The following FRY variants were observed in gnomAD, a reference collection of about 807,000 sequenced individuals.
FRY encodes protein furry homolog.
A neutral mutation model predicts 348.4 loss-of-function variants in FRY; 128 were observed. The observed-to-expected ratio is 0.37, with a 90% CI of 0.32 to 0.43. The LOEUF is 0.43. FRY is among the 20% of genes least tolerant of loss of function. The pLI is 1.00. For missense variants in FRY, 2,736 were observed against 3,695.2 expected (o/e 0.74, Z 6.73); for synonymous variants, 1,370 against 1,374.7 (o/e 1.00, Z 0.08).
intron 16 of FRY, among the ~76,000 whole-genome samples, chr13:32,160,235 T>C (rs964027986): frequency 1.3e-5 from 2 of 152,222 alleles, no homozygotes; most frequent in Non-Finnish European, 2.9e-5. Context: ...TTTTGCATTT[T>C]CATTATTGTG....
In FRY at chr13:32,258,894, G is replaced by C. The variant is rs139056822; in HGVS notation, c.7417-2722G>C. On this transcript the variant is annotated intron_variant, in intron 51 of 60. Transcript: ENST00000542859. ...GACTTACTCTAAGTAGAACATTTGG[G>C]GGAGTATATTTTGACCACAATGCAC... 2.5e-3 allele frequency among the ~76,000 whole-genome samples: 386 copies of C among 152,160 alleles called. 2 individuals are homozygous for C. The highest frequency in any genetic ancestry group is 8.9e-3 in the African/African-American group (370 of 41,476).
chr13:32,261,394 A>G, intron 51 of FRY: 1 of 732,816 alleles, frequency 1.4e-6, no homozygotes, highest in Non-Finnish European at 2.5e-6. Context: ...AAAGAAAAGT[A>G]TGTAATCATT....
Position 32,171,249 on chromosome 13 carries a change from C to T in FRY, c.2130C>T (p.Ala710=). 1 of 1,609,470 alleles carries T rather than the reference C, an allele frequency of 6.2e-7. No homozygotes were observed. The highest frequency in any genetic ancestry group is 8.5e-7 in the Non-Finnish European group (1 of 1,178,032). ...IQTQGKVYEQ[A]NKIRNSELIA... ...CACAAGGAAAAGTCTATGAACAAGCCAACAAAATCAGAAATTCAGAGGTGA... is the reference window on the plus strand; with the variant it reads ...CACAAGGAAAAGTCTATGAACAAGCTAACAAAATCAGAAATTCAGAGGTGA... Residue 710 remains alanine (A), a synonymous_variant, in exon 18 of 61, where the codon GCC becomes GCT. Coordinates refer to ENST00000542859, the MANE Select transcript of FRY (RefSeq NM_023037.3).
chr13:32,254,103 C>A (rs140892601), intron 50 of FRY, 121 bp from the exon 51 acceptor site: 2 of 890,358 alleles, frequency 2.2e-6, no homozygotes, highest in South Asian at 1.3e-5. Flanking sequence ...TCTAAAAATA[C>A]CCACTGAAGG....
chr13:32,171,607 C>T (rs894504594), intron 18 of FRY, among the ~76,000 whole-genome samples: 24 of 152,082 alleles, frequency 1.6e-4, no homozygotes, highest in Non-Finnish European at 8.8e-5. Flanking sequence ...CCACCATGCC[C>T]GGCTGAATTT....
chr13:32,294,658 A>G, intron 60 of FRY, 88 bp downstream of exon 60: 1 of 976,736 alleles, frequency 1.0e-6, no homozygotes. Context: ...CCCACTACGG[A>G]AGGCTAGATA....
intron 1 of FRY, among the ~76,000 whole-genome samples, chr13:32,068,741 A>T (rs1422325322): frequency 6.6e-6 from 1 of 152,212 alleles, no homozygotes; most frequent in Non-Finnish European, 1.5e-5. Flanking sequence ...ACATAGACTG[A>T]AGTAAGCAAA....
At chr13:32,267,574 A>C (rs1335092750) in intron 55 of FRY, among the ~76,000 whole-genome samples, 1 of 152,090 alleles carries the variant, frequency 6.6e-6, no homozygotes, top group Non-Finnish European at 1.5e-5. Flanking sequence ...GGCTGCCATG[A>C]AGTACCTTTC....
In FRY at chr13:32,296,704, C is replaced by T. The variant is rs545103321; in HGVS notation, c.*1244C>T. 2 of 152,266 alleles carry T rather than the reference C, an allele frequency of 1.3e-5. No individual in the cohort carries two copies. Among genetic ancestry groups the T allele is most frequent in the African/African-American group, 4.8e-5 (2 of 41,490 alleles). 9.4% of individuals were successfully genotyped at this position (152,266 alleles called of 1,614,324 possible). A position where few individuals can be genotyped will look rare whatever the true frequency, so the allele number is the denominator to read the frequency against. On this transcript the variant is annotated 3_prime_UTR_variant, in exon 61 of 61. Coordinates refer to ENST00000542859, the MANE Select transcript of FRY (RefSeq NM_023037.3). ...TGTCCTGGGCACACATGAAGTTTTG[C>T]ATGTGGGTTGCCAAAGTAATAACCC...
rs1197006695 is a variant in FRY at position 32,064,167 on chromosome 13, C to T, written c.71-14667C>T. Among the ~76,000 whole-genome samples, 3 of 152,078 alleles carry T rather than the reference C, an allele frequency of 2.0e-5. No homozygotes were observed. In the East Asian group the frequency reaches 5.8e-4, roughly 29 times the overall value. Reference sequence around the variant, plus strand: ...CAGTAAAGATGATACAAACTGTTAGCAGAGGGGAGTACCAAGGAGTGGCTG... The same window carrying T: ...CAGTAAAGATGATACAAACTGTTAGTAGAGGGGAGTACCAAGGAGTGGCTG... On this transcript the variant is annotated intron_variant, in intron 1 of 60. Coordinates refer to ENST00000542859, the MANE Select transcript of FRY (RefSeq NM_023037.3).
intron 58 of FRY, among the ~76,000 whole-genome samples, chr13:32,281,860 G>A (rs1271512706): frequency 6.6e-6 from 1 of 152,182 alleles, no homozygotes; most frequent in Non-Finnish European, 1.5e-5. Context: ...GTTTTAATTG[G>A]TTAGTAGATC....
At chr13:32,111,644 A>G (rs1877969069) in intron 3 of FRY, among the ~76,000 whole-genome samples, 1 of 152,204 alleles carries the variant, frequency 6.6e-6, no homozygotes, top group Admixed American at 6.5e-5. Flanking sequence ...GGATCATATG[A>G]GGGCTACATG....
intron 17 of FRY, among the ~76,000 whole-genome samples, chr13:32,165,938 T>C (rs1210830462): frequency 6.6e-6 from 1 of 152,240 alleles, no homozygotes; most frequent in Non-Finnish European, 1.5e-5. Context: ...GCACGTGCCC[T>C]TGTGATCACA....
intron 34 of FRY, among the ~76,000 whole-genome samples, chr13:32,211,260 C>A (rs1225933131): frequency 2.6e-5 from 4 of 152,178 alleles, no homozygotes; most frequent in African/African-American, 9.7e-5. Flanking sequence ...GAGTTCAAGA[C>A]CAGCCTGGCC....
At chr13:32,247,585 G>T in intron 48 of FRY, 83 bp downstream of exon 48, 3 of 1,092,950 alleles carry the variant, frequency 2.7e-6, no homozygotes, top group Non-Finnish European at 4.2e-6. Flanking sequence ...CTGGAAAAAA[G>T]AAGACTTATT....
In FRY at chr13:32,171,158, C is replaced by A. The variant is rs1424625236; in HGVS notation, c.2039C>A (p.Thr680Lys). 1 of 1,613,816 alleles carries A rather than the reference C, an allele frequency of 6.2e-7. No individual in the cohort carries two copies. Among genetic ancestry groups the A allele is most frequent in the East Asian group, 2.2e-5 (1 of 44,876 alleles). Reference sequence around the variant, plus strand: ...CGGGAAGTAAATGATATGCATCACACACTCCTTGATTCGTCCCTGAAGTTG... The same window carrying A: ...CGGGAAGTAAATGATATGCATCACAAACTCCTTGATTCGTCCCTGAAGTTG... ...LLREVNDMHH[T>K]LLDSSLKLLL... The change falls in exon 18 of 61, where the codon ACA becomes AAA. Residue 680 changes from threonine (T) to lysine (K), a missense_variant. Around this residue, in one of 9 missense-constraint regions of FRY, gnomAD observed 449 missense variants for 576.9 expected, o/e 0.78. Transcript: ENST00000542859.
chr13:32,211,109 T>A, intron 34 of FRY, 75 bp downstream of exon 34: 5 of 1,345,784 alleles, frequency 3.7e-6, no homozygotes, highest in Non-Finnish European at 4.3e-6. Flanking sequence ...TGAAAGGATA[T>A]GAGAATGTGT....
Position 32,214,448 on chromosome 13 carries a change from T to C in FRY, c.4682+2066T>C, listed in dbSNP as rs149113493. 3.8e-3 allele frequency among the ~76,000 whole-genome samples: 583 copies of C among 152,220 alleles called. 3 individuals carry two copies. The highest frequency in any genetic ancestry group is 0.013 in the African/African-American group (560 of 41,484). On this transcript the variant is annotated intron_variant, in intron 35 of 60. Coordinates refer to ENST00000542859, the MANE Select transcript of FRY (RefSeq NM_023037.3). ...AAGATTATGAGATTTTGAGTGTGTG[T>C]GATTTTATTTATTTTTTTTAGCTCA... is the stretch of plus-strand genomic sequence containing the variant.
chr13:32,173,632 A>G, intron 19 of FRY, 83 bp downstream of exon 19: 1 of 983,684 alleles, frequency 1.0e-6, no homozygotes, highest in Non-Finnish European at 1.6e-6. Context: ...ATGATGCATT[A>G]CTATTTCAGG....
Sources: allele counts gnomAD v4.1 joint callset (sites outside exome capture counted in the v4.1 genomes callset), GRCh38; gene constraint gnomAD v4.1.1; regional missense constraint gnomAD v4.1.1; transcripts MANE v1.5; gene names NCBI Gene and HGNC (gene_info 2026-07-23, HGNC 2026-07-21).